The following BMS1 variants were observed in gnomAD, a reference collection of about 807,000 sequenced individuals.
The protein encoded by BMS1 is BMS1 ribosome biogenesis factor, also known as ribosome biogenesis protein BMS1 homolog.
Under a neutral mutation model 138.7 loss-of-function variants are expected in BMS1, and 53 were observed. That is an observed-to-expected ratio of 0.38 (90% CI 0.31 to 0.48). BMS1 has a LOEUF of 0.48. BMS1 is among the 20% of genes least tolerant of loss of function. BMS1 has a pLI of 0.97. For synonymous variants in BMS1, 504 were observed against 539.9 expected (o/e 0.93, Z 0.92); for missense variants, 1,360 against 1,565.5 (o/e 0.87, Z 2.22).
In BMS1 at chr10:42,793,071, T is replaced by C. The variant is rs1399576081; in HGVS notation, c.1016T>C (p.Leu339Pro). ...NEKEKLVYAP[L>P]SGVGGVLYDK... Reference sequence around the variant, plus strand: ...AAGGAGAAGCTGGTTTATGCGCCTCTTTCTGGAGTTGGGGGTGTGCTGTAT... The same window carrying C: ...AAGGAGAAGCTGGTTTATGCGCCTCCTTCTGGAGTTGGGGGTGTGCTGTAT... The change falls in exon 8 of 23, where the codon CTT (leucine) becomes CCT (proline). Residue 339 changes from leucine to proline, a missense_variant. Physicochemically the swap from Leu to Pro is moderately conservative, Grantham distance 98 (BLOSUM62 -3). Coordinates refer to ENST00000374518, the MANE Select transcript of BMS1 (RefSeq NM_014753.4). 6.2e-7 allele frequency: 1 copy of C among 1,614,036 alleles called. No homozygotes were observed. Among genetic ancestry groups the C allele is most frequent in the Non-Finnish European group, 8.5e-7 (1 of 1,179,976 alleles).
rs754177263 is a variant in BMS1, at chr10:42,792,944, T to C, written c.902-13T>C. On this transcript the variant is annotated splice_polypyrimidine_tract_variant and intron_variant, in intron 7 of 22. Coordinates refer to ENST00000374518, the MANE Select transcript of BMS1 (RefSeq NM_014753.4). ...TTGTCAGCTGAAGCTGGCTTTTGGG[T>C]TCTGTCTTCCAGGGGTAGGAGATTT... 1.4e-5 allele frequency: 23 copies of C among 1,602,438 alleles called. No individual in the cohort carries two copies. The highest frequency in any genetic ancestry group is 1.7e-4 in the Middle Eastern group (1 of 5,918).
chr10:42,829,448 C>T (rs1842742537), intron 21 of BMS1, among the ~76,000 whole-genome samples: 1 of 152,112 alleles, frequency 6.6e-6, no homozygotes, highest in Admixed American at 6.5e-5. Flanking sequence ...AAATAGAATA[C>T]CAAGTTAAAC....
Position 42,833,373 on chromosome 10 carries a change from CA to C in BMS1, c.*2278del, listed in dbSNP as rs1842830935. ...AGGTTAGTAAAATACAGTCACACAT[CA>C]GTTAAGGATGGGGATATATTCTGAG... is the stretch of plus-strand genomic sequence containing the variant. On this transcript the variant is annotated 3_prime_UTR_variant, in exon 23 of 23. Coordinates refer to ENST00000374518, the MANE Select transcript of BMS1 (RefSeq NM_014753.4). The C allele has an allele frequency of 6.6e-6, 1 of 152,208 alleles. No individual in the cohort carries two copies. The highest frequency in any genetic ancestry group is 6.5e-5 in the Admixed American group (1 of 15,284). 9.4% of individuals were successfully genotyped at this position (152,208 alleles called of 1,614,324 possible).
chr10:42,817,648 G>T lies in BMS1; in HGVS notation c.2580+154G>T, dbSNP rs554667954. Among the ~76,000 whole-genome samples, 3 of 152,304 alleles carry T rather than the reference G, an allele frequency of 2.0e-5. No homozygotes were observed. The East Asian group carries it at 5.8e-4, about 29-fold the overall frequency. ...CTCCTGGGTAGAGATGCATGTGAGT[G>T]TGTTTATTCATGCAGTGAGCTCATT... On this transcript the variant is annotated intron_variant, in intron 15 of 22. Transcript: ENST00000374518.
chr10:42,796,587 A>G lies in BMS1; in HGVS notation c.1343A>G (p.Asp448Gly). 6.2e-7 allele frequency: 1 copy of G among 1,614,236 alleles called. No individual in the cohort carries two copies. The highest frequency in any genetic ancestry group is 8.5e-7 in the Non-Finnish European group (1 of 1,180,034). ...GGAGATAGTGATGATGAAGAAGATG[A>G]TGAAATGTCTGAAGATGACGGGTTG... ...ESGDSDDEED[D>G]EMSEDDGLEN... The change falls in exon 10 of 23, where the codon GAT (aspartate) becomes GGT (glycine). Residue 448 changes from aspartate to glycine, a missense_variant. Asp to Gly is a moderately conservative substitution (Grantham distance 94). Around this residue, in one of 3 missense-constraint regions of BMS1, gnomAD observed 697 missense variants for 686.2 expected, o/e 1.02. Coordinates refer to ENST00000374518, the MANE Select transcript of BMS1 (RefSeq NM_014753.4).
At chr10:42,799,488 A>G (rs570297917) in intron 12 of BMS1, among the ~76,000 whole-genome samples, 1 of 152,306 alleles carries the variant, frequency 6.6e-6, no homozygotes, top group South Asian at 2.1e-4. Flanking sequence ...CTTAGATGTC[A>G]CTTCTCACAG....
Position 42,820,975 on chromosome 10 carries a change from T to C in BMS1, c.2992T>C (p.Ser998Pro). ...GGGAACTGGTTTCTTGGCAATACAG[T>C]CTGTCAGTGGCATAATGGTAACTAT... ...PQGTGFLAIQ[S>P]VSGIMPDFRI... is the part of the protein sequence containing the mutation. Residue 998 changes from serine to proline, a missense_variant, in exon 18 of 23, where the codon TCT becomes CCT. Coordinates refer to ENST00000374518, the MANE Select transcript of BMS1 (RefSeq NM_014753.4). The C allele has an allele frequency of 6.3e-7, 1 of 1,594,698 alleles. No homozygotes were observed.
intron 13 of BMS1, 49 bp downstream of exon 13, chr10:42,802,267 A>G (rs1564418280): frequency 6.6e-7 from 1 of 1,526,564 alleles, no homozygotes. Context: ...TCTAAACTTT[A>G]TTTTCTTCAG....
chr10:42,787,578 T>C (rs11817310), intron 4 of BMS1, among the ~76,000 whole-genome samples: 11,458 of 152,274 alleles, frequency 0.075, 673 homozygotes, highest in African/African-American at 0.15. Flanking sequence ...GTACCATTTC[T>C]TCTTGGACTC....
chr10:42,789,176 TTCTTCCTGACCCTACAATCAGC>T (rs1346885197), intron 4 of BMS1, among the ~76,000 whole-genome samples: 1 of 152,334 alleles, frequency 6.6e-6, no homozygotes, highest in East Asian at 1.9e-4. Context: ...TTGCTCCCTG[TTCTTCCTGACCCTACAATCAGC>T]TGCTTGCCCC....
At position 42,812,034 on chromosome 10, in the gene BMS1, G is replaced by A. The variant is rs1314445249; in HGVS notation, c.2330-4565G>A. On this transcript the variant is annotated intron_variant, in intron 13 of 22. Coordinates refer to ENST00000374518, the MANE Select transcript of BMS1 (RefSeq NM_014753.4). ...TGTGATTTCTTTTATTGCCCCAAAT[G>A]TACTTCATCTTGGTAGATTTCTATT... 2.0e-5 allele frequency among the ~76,000 whole-genome samples: 3 copies of A among 152,154 alleles called. No individual in the cohort carries two copies. In the East Asian group the frequency reaches 5.8e-4, roughly 29 times the overall value.
rs1841725249 is a variant in BMS1 at position 42,797,447 on chromosome 10, T to C, written c.2013T>C (p.Leu671=). 1 of 1,614,188 alleles carries C rather than the reference T, an allele frequency of 6.2e-7. No homozygotes were observed. Among genetic ancestry groups the C allele is most frequent in the Non-Finnish European group, 8.5e-7 (1 of 1,180,028 alleles). The change falls in exon 11 of 23, where the codon CTT becomes CTC. Residue 671 remains leucine (L), a synonymous_variant. Coordinates refer to ENST00000374518, the MANE Select transcript of BMS1 (RefSeq NM_014753.4). ...TSGALKWKED[L]SRKAAEAFLR... ...GTGCCCTCAAGTGGAAGGAAGACCT[T>C]TCCAGAAAGGCAGCTGAGGCCTTTC...
chr10:42,795,856 A>G (rs1014589038), intron 9 of BMS1, among the ~76,000 whole-genome samples: 3 of 152,270 alleles, frequency 2.0e-5, no homozygotes, highest in African/African-American at 7.2e-5. Context: ...CATTTTTAAC[A>G]AAGAGCTTTC....
chr10:42,787,331 A>G (rs1841366493), intron 4 of BMS1, 84 bp downstream of exon 4: 2 of 1,010,166 alleles, frequency 2.0e-6, no homozygotes, highest in Non-Finnish European at 1.5e-6. Context: ...AAGGGAAGAG[A>G]GTCTTATAAT....
intron 13 of BMS1, among the ~76,000 whole-genome samples, chr10:42,804,333 A>G (rs893440266): frequency 1.3e-5 from 2 of 152,198 alleles, no homozygotes; most frequent in Non-Finnish European, 2.9e-5. Context: ...AAGTGTTTAT[A>G]CCATTTTCCA....
intron 13 of BMS1, among the ~76,000 whole-genome samples, chr10:42,810,933 C>T (rs377325806): frequency 7.2e-5 from 11 of 152,180 alleles, no homozygotes; most frequent in African/African-American, 2.2e-4. Context: ...TTATCTTTGT[C>T]GTAAAATTTA....
At chr10:42,815,789 T>TTA (rs1842331464) in intron 13 of BMS1, among the ~76,000 whole-genome samples, 1 of 152,202 alleles carries the variant, frequency 6.6e-6, no homozygotes, top group Admixed American at 6.5e-5. Context: ...GTGAATAAGC[T>TTA]CTTCCCATGG....
intron 18 of BMS1, among the ~76,000 whole-genome samples, chr10:42,821,822 G>A (rs1270224031): frequency 6.6e-5 from 10 of 152,120 alleles, no homozygotes; most frequent in Admixed American, 5.2e-4. Flanking sequence ...CAAAGTGCTG[G>A]GATTACAGGT....
At chr10:42,822,279 A>G (rs934739583) in intron 19 of BMS1, 95 bp downstream of exon 19, 22 of 686,868 alleles carry the variant, frequency 3.2e-5, no homozygotes, top group Non-Finnish European at 5.1e-5. Flanking sequence ...ATATTTTTAT[A>G]AAAGTGTTTG....
Sources: gnomAD v4.1 joint callset for allele counts (sites outside exome capture counted in the v4.1 genomes callset) on GRCh38, gnomAD v4.1.1 for gene constraint, gnomAD v4.1.1 regional missense constraint, MANE v1.5 for transcripts, NCBI Gene and HGNC (gene_info 2026-07-23, HGNC 2026-07-21) for gene names.